The following MRPS9 variants were observed in gnomAD, a reference collection of about 807,000 sequenced individuals.
MRPS9 encodes the protein mitochondrial ribosomal protein S9, also known as small ribosomal subunit protein uS9m.
A neutral mutation model predicts 59.9 loss-of-function variants in MRPS9; 45 were observed. That is an observed-to-expected ratio of 0.75 (90% CI 0.59 to 0.96). The LOEUF is 0.96. MRPS9 is among the 40% of genes least tolerant of loss of function. The pLI is 0.00. For missense variants in MRPS9, 473 were observed against 481.1 expected (o/e 0.98, Z 0.16); for synonymous variants, 171 against 166.8 (o/e 1.03, Z -0.19).
intron 2 of MRPS9, among the ~76,000 whole-genome samples, chr2:105,070,534 C>T (rs773711899): frequency 4.6e-5 from 7 of 152,242 alleles, no homozygotes; most frequent in African/African-American, 1.2e-4. Context: ...GACTCTTCAT[C>T]GGCACTGTTC....
At chr2:105,056,583 G>A (rs984392520) in intron 2 of MRPS9, among the ~76,000 whole-genome samples, 4 of 152,182 alleles carry the variant, frequency 2.6e-5, no homozygotes, top group Admixed American at 1.3e-4. Flanking sequence ...GACTCTGAAT[G>A]AGGCCCTACG....
At position 105,038,143 on chromosome 2, in the gene MRPS9, TCTC is replaced by T. The variant is rs1558747667; in HGVS notation, c.52_54del (p.Leu18del). 1 of 1,613,844 alleles carries T rather than the reference TCTC, an allele frequency of 6.2e-7. No individual in the cohort carries two copies. On this transcript the variant is annotated inframe_deletion, in exon 1 of 11. Transcript: ENST00000258455. ...GCGGAGCAGTTTCGTACCGGCTTCTTCTCTGGGGTAGGGGTAGCCTCGCCCGGA... is the reference window on the plus strand; with the variant it reads ...GCGGAGCAGTTTCGTACCGGCTTCTTTGGGGTAGGGGTAGCCTCGCCCGGA...
intron 5 of MRPS9, among the ~76,000 whole-genome samples, chr2:105,087,506 G>A (rs1324418815): frequency 6.6e-6 from 1 of 152,158 alleles, no homozygotes; most frequent in Non-Finnish European, 1.5e-5. Flanking sequence ...AGATATTCAT[G>A]TCTACTGGTA....
chr2:105,057,352 A>G (rs1367044413), intron 2 of MRPS9, among the ~76,000 whole-genome samples: 1 of 152,226 alleles, frequency 6.6e-6, no homozygotes, highest in Admixed American at 6.5e-5. Context: ...TCAGTCTTTC[A>G]CAGGTTACTG....
intron 4 of MRPS9, 46 bp from the exon 5 acceptor site, chr2:105,079,937 C>T (rs2104460202): frequency 7.0e-7 from 1 of 1,421,164 alleles, no homozygotes; most frequent in Non-Finnish European, 9.9e-7. Context: ...TTTGGTCTGT[C>T]TCTGTGTATA....
At chr2:105,071,870 C>G (rs1181207560) in intron 4 of MRPS9, among the ~76,000 whole-genome samples, 1 of 152,030 alleles carries the variant, frequency 6.6e-6, no homozygotes, top group African/African-American at 2.4e-5. Context: ...CTTTTCTGTT[C>G]TTTCAATACT....
In MRPS9 at chr2:105,049,182, A is replaced by T; in HGVS notation, c.147A>T (p.Leu49=). The change falls in exon 2 of 11, where the codon CTA becomes CTT. Residue 49 remains leucine, a synonymous_variant. Transcript: ENST00000258455. ...QTNVRSQILR[L]RHTAFVIPKK... ...ATATTTTCTGTTAGATATTAAGGCTAAGACATACTGCATTTGTAATACCAA... is the reference window on the plus strand; with the variant it reads ...ATATTTTCTGTTAGATATTAAGGCTTAGACATACTGCATTTGTAATACCAA... 6.3e-7 allele frequency: 1 copy of T among 1,599,550 alleles called. No individual in the cohort carries two copies. The highest frequency in any genetic ancestry group is 8.5e-7 in the Non-Finnish European group (1 of 1,171,736).
In MRPS9 at chr2:105,052,776, T is replaced by A. The variant is rs191236163; in HGVS notation, c.315+3426T>A. On this transcript the variant is annotated intron_variant, in intron 2 of 10. Transcript: ENST00000258455. Reference sequence around the variant, plus strand: ...TTCTTTGTGAGTTGTTGTTGTTGGGTTTTTTTAAATGCTTACTTTTTAAAA... The same window carrying A: ...TTCTTTGTGAGTTGTTGTTGTTGGGATTTTTTAAATGCTTACTTTTTAAAA... Among the ~76,000 whole-genome samples, 470 of 152,294 alleles carry A rather than the reference T, an allele frequency of 3.1e-3. 2 individuals carry two copies. Among genetic ancestry groups the A allele is most frequent in the African/African-American group, 0.011 (444 of 41,568 alleles).
chr2:105,059,076 T>C (rs1679849049), intron 2 of MRPS9, among the ~76,000 whole-genome samples: 1 of 151,266 alleles, frequency 6.6e-6, no homozygotes, highest in Non-Finnish European at 1.5e-5. Context: ...TGTGGGGTTT[T>C]TTTTTTTTTT....
chr2:105,051,617 T>A (rs1679711899), intron 2 of MRPS9, among the ~76,000 whole-genome samples: 1 of 152,220 alleles, frequency 6.6e-6, no homozygotes, highest in Admixed American at 6.5e-5. Context: ...AATCTCTAGA[T>A]AGATTTTGAG....
At chr2:105,072,582 TAGTA>T (rs1441587244) in intron 4 of MRPS9, among the ~76,000 whole-genome samples, 2 of 152,170 alleles carry the variant, frequency 1.3e-5, no homozygotes, top group Non-Finnish European at 2.9e-5. Context: ...ACATAACTAT[TAGTA>T]AGCATGAAAC....
At chr2:105,085,500 T>A (rs1680429241) in intron 5 of MRPS9, among the ~76,000 whole-genome samples, 1 of 152,132 alleles carries the variant, frequency 6.6e-6, no homozygotes, top group African/African-American at 2.4e-5. Flanking sequence ...TTCCTAAAAT[T>A]GGAATTTCCA....
At chr2:105,083,454 A>G (rs1680387397) in intron 5 of MRPS9, among the ~76,000 whole-genome samples, 1 of 152,248 alleles carries the variant, frequency 6.6e-6, no homozygotes, top group Non-Finnish European at 1.5e-5. Context: ...TTCATGGTTC[A>G]GTTTGTGAAG....
At chr2:105,040,689 T>C (rs1679485496) in intron 1 of MRPS9, among the ~76,000 whole-genome samples, 1 of 152,178 alleles carries the variant, frequency 6.6e-6, no homozygotes, top group South Asian at 2.1e-4. Context: ...GTCCCAAATT[T>C]GGGGCAGAAG....
At chr2:105,091,308 G>A (rs12620254) in intron 7 of MRPS9, 94,216 of 470,796 alleles carry the variant, frequency 0.2, 10,094 homozygotes, top group Middle Eastern at 0.28. Context: ...TCCACCCATA[G>A]TGCCCCTTTG....
In MRPS9 at chr2:105,038,316, C is replaced by T. The variant is rs1679429123; in HGVS notation, c.135+89C>T. On this transcript the variant is annotated intron_variant, in intron 1 of 10. Coordinates refer to ENST00000258455, the MANE Select transcript of MRPS9 (RefSeq NM_182640.3). Reference sequence around the variant, plus strand: ...ACACCTTCCCCCAGCGTCTCGCGTGCCTTCAGGCAGGGACTCTAGGATCTT... The same window carrying T: ...ACACCTTCCCCCAGCGTCTCGCGTGTCTTCAGGCAGGGACTCTAGGATCTT... The T allele has an allele frequency of 2.7e-5, 41 of 1,518,074 alleles. 1 individual carries two copies. The South Asian group carries it at 4.7e-4, about 17-fold the overall frequency. 94.0% of individuals were successfully genotyped at this position (1,518,074 alleles called of 1,614,324 possible). A position where few individuals can be genotyped will look rare whatever the true frequency, so the allele number is the denominator to read the frequency against.
At chr2:105,096,687 A>G (rs1285471280) in intron 9 of MRPS9, among the ~76,000 whole-genome samples, 2 of 152,236 alleles carry the variant, frequency 1.3e-5, no homozygotes, top group Non-Finnish European at 2.9e-5. Context: ...TAACCATATC[A>G]AGATGAGCAT....
At chr2:105,052,312 C>G (rs1679726481) in intron 2 of MRPS9, among the ~76,000 whole-genome samples, 1 of 151,978 alleles carries the variant, frequency 6.6e-6, no homozygotes, top group South Asian at 2.1e-4. Flanking sequence ...GTTTGTTGAA[C>G]TTTTTTGTTG....
At chr2:105,091,655 T>A (rs1441447670) in intron 7 of MRPS9, among the ~76,000 whole-genome samples, 1 of 152,198 alleles carries the variant, frequency 6.6e-6, no homozygotes, top group Non-Finnish European at 1.5e-5. Flanking sequence ...AAAACTGAGT[T>A]TCACAATCCA....
Sources: allele counts gnomAD v4.1 joint callset (sites outside exome capture counted in the v4.1 genomes callset), GRCh38; gene constraint gnomAD v4.1.1; transcripts MANE v1.5; gene names NCBI Gene and HGNC (gene_info 2026-07-23, HGNC 2026-07-21).